Variants in PHACTR4 observed in about 807,000 individuals in gnomAD.
PHACTR4 encodes the protein phosphatase and actin regulator 4.
PHACTR4 carries 51 observed loss-of-function variants against 72.7 expected under a neutral mutation model. The observed-to-expected ratio is 0.70, with a 90% CI of 0.56 to 0.89. The LOEUF (loss-of-function observed/expected upper bound fraction) is 0.89, where lower values mean the gene tolerates loss of function less well. Ranked by LOEUF, PHACTR4 falls within the 40% of genes least tolerant of loss-of-function variation. PHACTR4 has a pLI of 0.00. For missense variants in PHACTR4, 731 were observed against 861.8 expected (o/e 0.85, Z 1.90); for synonymous variants, 255 against 302.5 (o/e 0.84, Z 1.63).
intron 6 of PHACTR4, among the ~76,000 whole-genome samples, chr1:28,469,109 C>T (rs186709639): frequency 4.6e-5 from 7 of 152,168 alleles, no homozygotes; most frequent in Non-Finnish European, 8.8e-5. Context: ...AAAGGACTCT[C>T]TTTTATTCTA....
intron 1 of PHACTR4, among the ~76,000 whole-genome samples, chr1:28,372,346 G>A (rs1421601979): frequency 6.6e-6 from 1 of 152,068 alleles, no homozygotes; most frequent in Non-Finnish European, 1.5e-5. Context: ...AGCCGAGTAG[G>A]CAAAATAAAG....
At chr1:28,460,750 C>A (rs574247290) in intron 4 of PHACTR4, among the ~76,000 whole-genome samples, 3 of 152,254 alleles carry the variant, frequency 2.0e-5, no homozygotes, top group African/African-American at 7.2e-5. Flanking sequence ...CTCAGGTGAT[C>A]CGCCCGCCTT....
intron 1 of PHACTR4, among the ~76,000 whole-genome samples, chr1:28,391,966 C>T (rs922902530): frequency 6.6e-6 from 1 of 152,028 alleles, no homozygotes; most frequent in Admixed American, 6.6e-5. Flanking sequence ...GTTCTCACCA[C>T]AAAGAAACGT....
At chr1:28,472,555 T>G (rs1159770723) in intron 6 of PHACTR4, among the ~76,000 whole-genome samples, 1 of 152,122 alleles carries the variant, frequency 6.6e-6, no homozygotes, top group Non-Finnish European at 1.5e-5. Context: ...CTAATACTTA[T>G]TTTATGCTAT....
At chr1:28,414,976 T>A (rs1341334357) in intron 2 of PHACTR4, among the ~76,000 whole-genome samples, 1 of 151,974 alleles carries the variant, frequency 6.6e-6, no homozygotes, top group Non-Finnish European at 1.5e-5. Context: ...AAAGAAAAAA[T>A]TAGGCTGGGC....
intron 1 of PHACTR4, among the ~76,000 whole-genome samples, chr1:28,400,110 T>G (rs1653830365): frequency 6.6e-6 from 1 of 152,160 alleles, no homozygotes; most frequent in Admixed American, 6.5e-5. Context: ...CAATGGCTCA[T>G]GCCTGTAATC....
At chr1:28,453,759 A>C in intron 2 of PHACTR4, 1 of 1,054,796 alleles carries the variant, frequency 9.5e-7, no homozygotes, top group South Asian at 1.3e-5. Flanking sequence ...GAAGAAATTA[A>C]AAAAAGAGGT....
In PHACTR4 at chr1:28,430,529, G is replaced by A. The variant is rs981623389; in HGVS notation, c.16+23066G>A. Among the ~76,000 whole-genome samples the A allele has an allele frequency of 3.3e-4, 50 of 152,182 alleles. 1 individual carries two copies. The highest frequency in any genetic ancestry group is 1.2e-3 in the African/African-American group (48 of 41,444). ...TCCCTTAACTATCCAGTGCCAGCCA[G>A]CCTAGAGTAGATCATGGGGTAAAGA... On this transcript the variant is annotated intron_variant, in intron 2 of 13. Transcript: ENST00000373839.
chr1:28,474,509 C>T (rs908348807), intron 7 of PHACTR4, among the ~76,000 whole-genome samples: 2 of 150,352 alleles, frequency 1.3e-5, no homozygotes, highest in Admixed American at 6.7e-5. Flanking sequence ...GGCGACAAAG[C>T]GAGTCTCTGT....
intron 9 of PHACTR4, among the ~76,000 whole-genome samples, chr1:28,482,231 A>G (rs746573122): frequency 7.1e-4 from 108 of 152,238 alleles, no homozygotes; most frequent in Non-Finnish European, 1.9e-4. Flanking sequence ...AGATAGACAT[A>G]TGGTTTTGCA....
In PHACTR4 at chr1:28,394,918, T is replaced by C. The variant is rs1193479915; in HGVS notation, c.-38-12492T>C. Among the ~76,000 whole-genome samples, 3 of 150,824 alleles carry C rather than the reference T, an allele frequency of 2.0e-5. No homozygotes were observed. The East Asian group carries it at 5.8e-4, about 29-fold the overall frequency. ...GACCTGGCCATCCTTTTTTTCTTTT[T>C]TTTTTTTTTTCTGAGATGAAGTCTT... On this transcript the variant is annotated intron_variant, in intron 1 of 13. Transcript: ENST00000373839.
At chr1:28,469,858 C>A (rs1429331072) in intron 6 of PHACTR4, among the ~76,000 whole-genome samples, 1 of 151,624 alleles carries the variant, frequency 6.6e-6, no homozygotes, top group Non-Finnish European at 1.5e-5. Flanking sequence ...GAGTTTGAGA[C>A]CAGCCTGGGC....
intron 2 of PHACTR4, among the ~76,000 whole-genome samples, chr1:28,413,907 C>T (rs1372980721): frequency 6.6e-6 from 1 of 152,112 alleles, no homozygotes; most frequent in African/African-American, 2.4e-5. Flanking sequence ...TGTTGATGAA[C>T]ATTCTCATAT....
chr1:28,371,169 G>C (rs1651216842), intron 1 of PHACTR4, among the ~76,000 whole-genome samples: 2 of 152,302 alleles, frequency 1.3e-5, no homozygotes, highest in African/African-American at 4.8e-5. Flanking sequence ...CTTGAGTACA[G>C]TGGAGAGCTC....
intron 1 of PHACTR4, among the ~76,000 whole-genome samples, chr1:28,379,088 C>G (rs1651927869): frequency 6.6e-6 from 1 of 152,094 alleles, no homozygotes. Flanking sequence ...TGCTGAGTAG[C>G]TGGGACTACA....
intron 1 of PHACTR4, among the ~76,000 whole-genome samples, chr1:28,381,653 C>G (rs923620277): frequency 1.3e-5 from 2 of 152,058 alleles, no homozygotes; most frequent in Non-Finnish European, 2.9e-5. Flanking sequence ...AAGATGGTAT[C>G]TCATTGTCAT....
intron 10 of PHACTR4, among the ~76,000 whole-genome samples, chr1:28,490,162 C>T (rs189388763): frequency 1.4e-3 from 218 of 152,284 alleles, no homozygotes; most frequent in African/African-American, 4.8e-3. Context: ...ATACAGGCAA[C>T]TGGCGAGATG....
intron 2 of PHACTR4, among the ~76,000 whole-genome samples, chr1:28,409,538 C>G (rs1257214229): frequency 6.6e-6 from 1 of 152,128 alleles, no homozygotes; most frequent in Admixed American, 6.5e-5. Flanking sequence ...GGCAGTTTTA[C>G]TTGTTTAATT....
At chr1:28,427,935 G>A (rs1001077241) in intron 2 of PHACTR4, among the ~76,000 whole-genome samples, 1 of 152,196 alleles carries the variant, frequency 6.6e-6, no homozygotes, top group African/African-American at 2.4e-5. Flanking sequence ...CATTGAGTTA[G>A]ATTAGTTATA....
Sources: gnomAD v4.1 joint callset for allele counts (sites outside exome capture counted in the v4.1 genomes callset) on GRCh38, gnomAD v4.1.1 for gene constraint, MANE v1.5 for transcripts, NCBI Gene and HGNC (gene_info 2026-07-23, HGNC 2026-07-21) for gene names.